Variants in LYRM9 observed in about 807,000 individuals in gnomAD.
LYRM9 encodes LYR motif containing 9.
LYRM9 carries 14 observed loss-of-function variants against 12.6 expected under a neutral mutation model. That is an observed-to-expected ratio of 1.11 (90% CI 0.73 to 1.73). The LOEUF (loss-of-function observed/expected upper bound fraction) is 1.73. Among genes scored for constraint, LYRM9 ranks in the 40% most tolerant of loss-of-function variants. The pLI, the probability that LYRM9 is intolerant of heterozygous loss-of-function variation, is 0.00. For synonymous variants in LYRM9, 42 were observed against 35.1 expected (o/e 1.20, Z -0.69); for missense variants, 94 against 95.0 (o/e 0.99, Z 0.04).
chr17:27,884,615 T>G (rs1905174476), intron 1 of LYRM9, among the ~76,000 whole-genome samples: 1 of 152,198 alleles, frequency 6.6e-6, no homozygotes. Context: ...TCTGTGGGGC[T>G]GCAGTGCCCC....
chr17:27,892,388 A>G, intron 1 of LYRM9: 1 of 455,778 alleles, frequency 2.2e-6, no homozygotes, highest in Non-Finnish European at 4.4e-6. Context: ...ACTCCTCCAC[A>G]GTTTATAGTA....
intron 1 of LYRM9, among the ~76,000 whole-genome samples, chr17:27,891,220 T>A (rs143854663): frequency 7.7e-4 from 117 of 152,242 alleles, no homozygotes; most frequent in Non-Finnish European, 1.4e-3. Context: ...CAGTCTCCCC[T>A]CCTGCTGTCC....
intron 1 of LYRM9, 66 bp from the exon 2 acceptor site, chr17:27,882,778 G>GT: frequency 6.8e-7 from 1 of 1,473,922 alleles, no homozygotes; most frequent in South Asian, 1.4e-5. Flanking sequence ...CTGACCCCCA[G>GT]TTCCCAGTAC....
chr17:27,880,229 T>A, intron 3 of LYRM9, 45 bp downstream of exon 3: 18 of 1,457,774 alleles, frequency 1.2e-5, no homozygotes, highest in Non-Finnish European at 1.7e-5. Context: ...ATCACAGCCA[T>A]CATCACCCCA....
chr17:27,880,247 GGCAGA>G, intron 3 of LYRM9, 22 bp downstream of exon 3: 1 of 1,560,072 alleles, frequency 6.4e-7, no homozygotes, highest in Non-Finnish European at 8.8e-7. Flanking sequence ...CCAGCTCGCA[GGCAGA>G]GCCCAGGGGC....
In LYRM9 at chr17:27,883,968, G is replaced by A. The variant is rs952394260; in HGVS notation, c.-18-1256C>T. Among the ~76,000 whole-genome samples the A allele has an allele frequency of 4.0e-5, 6 of 148,638 alleles. No homozygotes were observed. The East Asian group carries it at 6.0e-4, about 15-fold the overall frequency. ...ACAGGTACACACCGGAGAAGCCACC[G>A]TCATAATCAAGAGAGTTAACATATC... On this transcript the variant is annotated intron_variant, in intron 1 of 3. Transcript: ENST00000379102.
rs184619259 is a variant in LYRM9 at position 27,879,820 on chromosome 17, C to T, written c.220-330G>A. 978 of 550,676 alleles carry T rather than the reference C, an allele frequency of 1.8e-3. 1 individual carries two copies. The highest frequency in any genetic ancestry group is 2.6e-3 in the Non-Finnish European group (797 of 312,310). The allele number at this position is 550,676 out of a possible 1,614,324, so 34.1% of individuals were successfully genotyped here. A position where few individuals can be genotyped will look rare whatever the true frequency, so the allele number is the denominator to read the frequency against. ...ATACCAGCATCTAAGGGCCAAGACG[C>T]CAGTCTACATTCCTGACTCACTCCC... On this transcript the variant is annotated intron_variant, in intron 3 of 3. Transcript: ENST00000379102.
At position 27,883,835 on chromosome 17, in the gene LYRM9, T is replaced by TAAAAAAAAAA. The variant is rs781375467; in HGVS notation, c.-18-1133_-18-1124dup. Among the ~76,000 whole-genome samples, 31 of 24,574 alleles carry TAAAAAAAAAA rather than the reference T, an allele frequency of 1.3e-3. 7 individuals are homozygous for TAAAAAAAAAA. The highest frequency in any genetic ancestry group is 3.6e-3 in the African/African-American group (29 of 8,064). The allele number at this position is 24,574 out of a possible 152,430, so 16.1% of individuals were successfully genotyped here. A position where few individuals can be genotyped will look rare whatever the true frequency, so the allele number is the denominator to read the frequency against. Reference sequence around the variant, plus strand: ...GCAGTCTGGCTCCAGAGCCTTTTTCTAAAAAAAAAAAAAAAAAAAAAAAAA... The same window carrying TAAAAAAAAAA: ...GCAGTCTGGCTCCAGAGCCTTTTTCTAAAAAAAAAAAAAAAAAAAAAAAAAAAAAAAAAAA... On this transcript the variant is annotated intron_variant, in intron 1 of 3. Transcript: ENST00000379102.
At position 27,882,618 on chromosome 17, in the gene LYRM9, T is replaced by C; in HGVS notation, c.77A>G (p.Gln26Arg). The change falls in exon 2 of 4, where the codon CAG becomes CGG. Residue 26 changes from glutamine to arginine, a missense_variant. Transcript: ENST00000379102. ...LYRYLLRCCQQLPTKGIQQHY... is the reference protein window; with the variant it reads ...LYRYLLRCCQRLPTKGIQQHY... ...CTGCTGGATGCCCTTGGTCGGCAGC[T>C]GCTGGCAACAGCGCAGCAAGTATCG... is the stretch of plus-strand genomic sequence containing the variant. The C allele has an allele frequency of 1.9e-6, 3 of 1,598,936 alleles. No homozygotes were observed. Among genetic ancestry groups the C allele is most frequent in the Non-Finnish European group, 2.6e-6 (3 of 1,173,526 alleles).
rs1905241568 is a variant in LYRM9 at position 27,886,650 on chromosome 17, T to C, written c.-18-3938A>G. On this transcript the variant is annotated intron_variant, in intron 1 of 3. Transcript: ENST00000379102. The surrounding 1 kb of genome is among the most constrained non-coding windows in gnomAD (Gnocchi z 4.8). The stretch of plus-strand genomic sequence containing the variant: ...TGGTTTCTTTCTTTTCTTTTCTTTT[T>C]TTATTTTTTTTTTTTTGAGACAGAG... 1.5e-5 allele frequency among the ~76,000 whole-genome samples: 1 copy of C among 67,276 alleles called. No homozygotes were observed. Among genetic ancestry groups the C allele is most frequent in the African/African-American group, 8.4e-5 (1 of 11,890 alleles). The allele number at this position is 67,276 out of a possible 152,430, so 44.1% of individuals were successfully genotyped here.
intron 1 of LYRM9, among the ~76,000 whole-genome samples, chr17:27,884,039 C>T (rs1190575277): frequency 6.8e-6 from 1 of 146,514 alleles, no homozygotes; most frequent in Non-Finnish European, 1.5e-5. Context: ...TCCCTCCCTC[C>T]CGCCCTCCCG....
intron 1 of LYRM9, among the ~76,000 whole-genome samples, chr17:27,887,713 G>GGGGGT (rs1485417792): frequency 2.3e-5 from 2 of 86,730 alleles, no homozygotes; most frequent in African/African-American, 5.6e-5. Context: ...TAGGAGGGAG[G>GGGGGT]GTGTGTGTGT....
At chr17:27,883,616 C>T (rs1163787822) in intron 1 of LYRM9, among the ~76,000 whole-genome samples, 2 of 150,004 alleles carry the variant, frequency 1.3e-5, no homozygotes, top group Non-Finnish European at 3.0e-5. Flanking sequence ...TACGACTGCA[C>T]TCCAGCCTGG....
intron 2 of LYRM9, chr17:27,881,308 C>T (rs1428672640): frequency 6.6e-6 from 1 of 151,490 alleles, no homozygotes; most frequent in South Asian, 2.1e-4. Flanking sequence ...CCCCACACAT[C>T]CTCCTGCTCA....
Position 27,879,309 on chromosome 17 carries a change from A to G in LYRM9, c.*164T>C, listed in dbSNP as rs1597588053. ...TGCAAACATAAAGGATGCTAGCAAC[A>G]TGGCCGCGGCAAGAGGAGCCTCTGG... On this transcript the variant is annotated 3_prime_UTR_variant, in exon 4 of 4. Transcript: ENST00000379102. 12 of 607,926 alleles carry G rather than the reference A, an allele frequency of 2.0e-5. No individual in the cohort carries two copies. In the East Asian group the frequency reaches 3.9e-4, roughly 20 times the overall value. 37.7% of individuals were successfully genotyped at this position (607,926 alleles called of 1,614,324 possible). A position where few individuals can be genotyped will look rare whatever the true frequency, so the allele number is the denominator to read the frequency against.
intron 3 of LYRM9, 52 bp from the exon 4 acceptor site, chr17:27,879,542 G>C: frequency 1.3e-6 from 2 of 1,541,680 alleles, no homozygotes; most frequent in Non-Finnish European, 8.8e-7. Flanking sequence ...AGGGGCAGGA[G>C]GACTCTGGAG....
At chr17:27,881,978 T>G (rs1037253593) in intron 2 of LYRM9, among the ~76,000 whole-genome samples, 2 of 152,162 alleles carry the variant, frequency 1.3e-5, no homozygotes, top group African/African-American at 4.8e-5. Flanking sequence ...AGGTTGGTCT[T>G]GAACTCCTGA....
Position 27,888,980 on chromosome 17 carries a change from T to A in LYRM9, c.-19+4337A>T, listed in dbSNP as rs548583412. Among the ~76,000 whole-genome samples, 75 of 152,360 alleles carry A rather than the reference T, an allele frequency of 4.9e-4. 1 individual carries two copies. In the South Asian group the frequency reaches 7.5e-3, roughly 15 times the overall value. The stretch of plus-strand genomic sequence containing the variant: ...TCCTCCCAAGCCCAGCTTTTCATTA[T>A]TCACAGTCAACTATCCCAGCCCCTC... On this transcript the variant is annotated intron_variant, in intron 1 of 3. Transcript: ENST00000379102.
At position 27,886,116 on chromosome 17, in the gene LYRM9, TA is replaced by T. The variant is rs1905225296; in HGVS notation, c.-18-3405del. Among the ~76,000 whole-genome samples, 1 of 152,112 alleles carries T rather than the reference TA, an allele frequency of 6.6e-6. No individual in the cohort carries two copies. The highest frequency in any genetic ancestry group is 1.5e-5 in the Non-Finnish European group (1 of 68,022). On this transcript the variant is annotated intron_variant, in intron 1 of 3. Coordinates refer to ENST00000379102, the MANE Select transcript of LYRM9 (RefSeq NM_001076680.3). This position sits in a 1 kb window ranked among gnomAD's most constrained non-coding sequence, Gnocchi z 4.8. ...ACTCCACTGGCAGGCTTCCCCAAAC[TA>T]TATAAAGTAGTAATCAAATATTGTA...
Sources: allele counts gnomAD v4.1 joint callset (sites outside exome capture counted in the v4.1 genomes callset), GRCh38; gene constraint gnomAD v4.1.1; non-coding constraint Gnocchi (gnomAD v3.1); transcripts MANE v1.5; gene names NCBI Gene and HGNC (gene_info 2026-07-23, HGNC 2026-07-21).